Variants in DLG2 observed in about 807,000 individuals in gnomAD.
The protein encoded by DLG2 is disks large homolog 2.
In DLG2, 45 loss-of-function variants were observed where a neutral mutation model predicts 132.5. The ratio of observed to expected loss-of-function variants is 0.34; its 90% CI spans 0.27 to 0.44. The LOEUF is 0.44. Among genes scored for constraint, DLG2 ranks in the 20% least tolerant of loss-of-function variants. The pLI is 1.00. For synonymous variants in DLG2, 424 were observed against 419.6 expected, an observed-to-expected ratio of 1.01 and a Z score of -0.13; for missense variants, 1,045 against 1,196.9, an observed-to-expected ratio of 0.87 and a Z score of 1.87.
intron 7 of DLG2, among the ~76,000 whole-genome samples, chr11:84,381,753 T>A (rs2098749723): frequency 6.6e-6 from 1 of 152,128 alleles, no homozygotes; most frequent in South Asian, 2.1e-4. Context: ...ATTAACTAAA[T>A]CAGAAAGAGT....
chr11:83,877,652 G>A (rs766307319), intron 15 of DLG2, among the ~76,000 whole-genome samples: 1 of 152,172 alleles, frequency 6.6e-6, no homozygotes, highest in Non-Finnish European at 1.5e-5. Context: ...AGGTTAGCCA[G>A]TTTCTCCTAG....
At chr11:83,714,733 T>C (rs997999808) in intron 18 of DLG2, among the ~76,000 whole-genome samples, 2 of 152,204 alleles carry the variant, frequency 1.3e-5, no homozygotes, top group Non-Finnish European at 2.9e-5. Flanking sequence ...TTTGTTTTAT[T>C]ATTATTATAC....
intron 3 of DLG2, among the ~76,000 whole-genome samples, chr11:85,598,176 A>G (rs991211397): frequency 6.6e-6 from 1 of 152,034 alleles, no homozygotes; most frequent in African/African-American, 2.4e-5. Flanking sequence ...TGGATCATAA[A>G]CTTTCCTAAG....
chr11:84,997,262 C>G (rs770401666), intron 6 of DLG2: 8 of 152,458 alleles, frequency 5.2e-5, no homozygotes, highest in Admixed American at 3.9e-4. Context: ...CTTTTTACAT[C>G]TGGCTTGCAA....
intron 18 of DLG2, among the ~76,000 whole-genome samples, chr11:83,759,056 T>C (rs2093779752): frequency 6.6e-6 from 1 of 152,218 alleles, no homozygotes; most frequent in African/African-American, 2.4e-5. Context: ...ATTGAATATC[T>C]AATATATTTC....
chr11:85,214,493 T>C (rs1703399798), intron 4 of DLG2, among the ~76,000 whole-genome samples: 2 of 152,152 alleles, frequency 1.3e-5, no homozygotes, highest in African/African-American at 4.8e-5. Context: ...TATACTCCAC[T>C]GTGGCCAATT....
chr11:84,604,073 TAA>T lies in DLG2; in HGVS notation c.358-69344_358-69343del, dbSNP rs557156837. On this transcript the variant is annotated intron_variant, in intron 6 of 27. Transcript: ENST00000376104. ...CTACTAATTTATCCTTAAATTGTTA[TAA>T]GATAGGTACTATTAGTCCTACTTTA... Among the ~76,000 whole-genome samples the T allele has an allele frequency of 2.9e-3, 436 of 152,116 alleles. 1 individual carries two copies. Among genetic ancestry groups the T allele is most frequent in the African/African-American group, 9.9e-3 (411 of 41,568 alleles).
At chr11:85,587,089 T>A (rs2079019322) in intron 3 of DLG2, among the ~76,000 whole-genome samples, 1 of 152,168 alleles carries the variant, frequency 6.6e-6, no homozygotes, top group East Asian at 1.9e-4. Flanking sequence ...TTTTCTTAAA[T>A]TAATATTGAG....
chr11:84,158,290 C>T (rs2095474091), intron 9 of DLG2, among the ~76,000 whole-genome samples: 4 of 152,238 alleles, frequency 2.6e-5, no homozygotes, highest in Admixed American at 2.6e-4. Context: ...GTCTCGATCT[C>T]CTGACCTCGT....
chr11:83,972,980 G>A (rs919955490), intron 12 of DLG2, among the ~76,000 whole-genome samples: 1 of 152,058 alleles, frequency 6.6e-6, no homozygotes, highest in Non-Finnish European at 1.5e-5. Context: ...TAAAGAAAGA[G>A]AGCAAGCAAG....
chr11:84,292,993 T>C (rs1379975049), intron 7 of DLG2, among the ~76,000 whole-genome samples: 3 of 152,192 alleles, frequency 2.0e-5, no homozygotes, highest in Non-Finnish European at 4.4e-5. Context: ...AGGCTGTAGG[T>C]TGGACAAGCT....
At chr11:83,909,954 A>G (rs1490141609) in intron 15 of DLG2, among the ~76,000 whole-genome samples, 2 of 152,168 alleles carry the variant, frequency 1.3e-5, no homozygotes, top group Non-Finnish European at 2.9e-5. Context: ...AAAGTGATCC[A>G]CTGGAGATTC....
At chr11:84,748,515 T>C (rs975640088) in intron 6 of DLG2, among the ~76,000 whole-genome samples, 1 of 152,192 alleles carries the variant, frequency 6.6e-6, no homozygotes, top group African/African-American at 2.4e-5. Context: ...TTAAATTAAC[T>C]TTTACTGAGC....
intron 7 of DLG2, chr11:84,317,024 C>G: frequency 1.2e-6 from 2 of 1,612,860 alleles, no homozygotes; most frequent in African/African-American, 1.3e-5. Context: ...GAGCCCCTGA[C>G]AGTTCCTCTG....
At chr11:84,090,395 CAA>C (rs1377686631) in intron 10 of DLG2, among the ~76,000 whole-genome samples, 1 of 99,062 alleles carries the variant, frequency 1.0e-5, no homozygotes, top group Non-Finnish European at 1.8e-5. Flanking sequence ...GCCTGGGTGA[CAA>C]GAGTGAGATT....
At chr11:84,306,199 G>A (rs1306075444) in intron 7 of DLG2, among the ~76,000 whole-genome samples, 1 of 151,774 alleles carries the variant, frequency 6.6e-6, no homozygotes, top group African/African-American at 2.4e-5. Context: ...TAATTACTCT[G>A]ATTTAATTAT....
chr11:84,057,417 G>T (rs2096523437), intron 11 of DLG2, among the ~76,000 whole-genome samples: 1 of 152,094 alleles, frequency 6.6e-6, no homozygotes, highest in South Asian at 2.1e-4. Flanking sequence ...ATTTTTAATA[G>T]AAATAATGGG....
At chr11:84,700,594 A>AT (rs2059120693) in intron 6 of DLG2, among the ~76,000 whole-genome samples, 1 of 151,648 alleles carries the variant, frequency 6.6e-6, no homozygotes, top group African/African-American at 2.4e-5. Context: ...AAAAAGTCAC[A>AT]TTATTCCTTC....
At chr11:84,805,399 G>A (rs1330994222) in intron 6 of DLG2, among the ~76,000 whole-genome samples, 1 of 151,980 alleles carries the variant, frequency 6.6e-6, no homozygotes, top group Non-Finnish European at 1.5e-5. Flanking sequence ...AAAAAAAATA[G>A]AGAATCAATA....
Sources: gnomAD v4.1 joint callset for allele counts (sites outside exome capture counted in the v4.1 genomes callset) on GRCh38, gnomAD v4.1.1 for gene constraint, MANE v1.5 for transcripts, NCBI Gene and HGNC (gene_info 2026-07-23, HGNC 2026-07-21) for gene names.